The following MED4 variants were observed in gnomAD, a reference collection of about 807,000 sequenced individuals.
MED4 encodes mediator of RNA polymerase II transcription subunit 4.
MED4 carries 21 observed loss-of-function variants against 35.0 expected under a neutral mutation model. The observed-to-expected ratio is 0.60, with a 90% CI of 0.43 to 0.86. The LOEUF (loss-of-function observed/expected upper bound fraction) is 0.86. MED4 is among the 40% of genes least tolerant of loss of function. The probability of loss-of-function intolerance (pLI) is 0.00; values close to 1 mark genes in which losing one functional copy is unlikely to be tolerated. For synonymous variants in MED4, 138 were observed against 114.0 expected, an observed-to-expected ratio of 1.21 and a Z score of -1.34; for missense variants, 300 against 319.4, an observed-to-expected ratio of 0.94 and a Z score of 0.46.
At chr13:48,077,398 TA>T (rs1242304653) in intron 6 of MED4, 87 bp from the exon 7 acceptor site, 5 of 1,150,330 alleles carry the variant, frequency 4.3e-6, no homozygotes, top group South Asian at 2.2e-5. Flanking sequence ...CAATTTGAAG[TA>T]TTTTTTTTAA....
At chr13:48,083,188 ATG>A (rs1230754486) in intron 4 of MED4, among the ~76,000 whole-genome samples, 181 bp downstream of exon 4, 1 of 152,260 alleles carries the variant, frequency 6.6e-6, no homozygotes, top group Non-Finnish European at 1.5e-5. Flanking sequence ...CTGAAAAAAG[ATG>A]TGATACTTCT....
chr13:48,090,291 G>T, intron 2 of MED4, 61 bp downstream of exon 2: 1 of 1,330,266 alleles, frequency 7.5e-7, no homozygotes, highest in Non-Finnish European at 1.0e-6. Flanking sequence ...CAGAAATCAA[G>T]TTTTTTTCTT....
At chr13:48,090,821 AT>A (rs1950885047) in intron 1 of MED4, among the ~76,000 whole-genome samples, 1 of 152,244 alleles carries the variant, frequency 6.6e-6, no homozygotes, top group African/African-American at 2.4e-5. Context: ...CAGACAATGC[AT>A]TATGAGCGAT....
chr13:48,079,759 A>G (rs1211082391), intron 6 of MED4, 85 bp downstream of exon 6: 7 of 1,500,372 alleles, frequency 4.7e-6, no homozygotes, highest in Non-Finnish European at 6.3e-6. Flanking sequence ...GGGAATCTCA[A>G]ACTTGCTTTA....
At position 48,086,545 on chromosome 13, in the gene MED4, A is replaced by G. The variant is rs780507344; in HGVS notation, c.193-93T>C. 21 of 1,140,112 alleles carry G rather than the reference A, an allele frequency of 1.8e-5. No homozygotes were observed. The Admixed American group carries it at 5.6e-4, about 30-fold the overall frequency. 70.6% of individuals were successfully genotyped at this position (1,140,112 alleles called of 1,614,324 possible). On this transcript the variant is annotated intron_variant, in intron 2 of 6. Coordinates refer to ENST00000258648, the MANE Select transcript of MED4 (RefSeq NM_014166.4). ...AATCCGTAACTGAATTGGCTAGGCTATAAATTTCAACACCTTCAAAATTTT... is the reference window on the plus strand; with the variant it reads ...AATCCGTAACTGAATTGGCTAGGCTGTAAATTTCAACACCTTCAAAATTTT...
At chr13:48,090,076 A>C (rs1263600231) in intron 2 of MED4, among the ~76,000 whole-genome samples, 1 of 152,246 alleles carries the variant, frequency 6.6e-6, no homozygotes, top group Admixed American at 6.5e-5. Context: ...CAAAGGACAA[A>C]AATAAATAAA....
intron 6 of MED4, 67 bp from the exon 7 acceptor site, chr13:48,077,378 C>T (rs779946756): frequency 1.6e-6 from 2 of 1,229,702 alleles, no homozygotes; most frequent in Non-Finnish European, 2.2e-6. Context: ...TTACTTTTCC[C>T]TTTATGCAAC....
chr13:48,094,528 CA>C (rs1290899437), intron 1 of MED4, among the ~76,000 whole-genome samples: 1 of 152,024 alleles, frequency 6.6e-6, no homozygotes, highest in Non-Finnish European at 1.5e-5. Context: ...TGACTACAAC[CA>C]AAAAAGGTGC....
intron 2 of MED4, among the ~76,000 whole-genome samples, chr13:48,090,084 A>G (rs1185700486): frequency 6.6e-6 from 1 of 152,250 alleles, no homozygotes; most frequent in Admixed American, 6.5e-5. Context: ...AAAAATAAAT[A>G]AACATGTAAG....
chr13:48,080,174 A>C (rs1428858553), intron 5 of MED4, among the ~76,000 whole-genome samples, 199 bp from the exon 6 acceptor site: 2 of 152,020 alleles, frequency 1.3e-5, no homozygotes, highest in African/African-American at 4.8e-5. Flanking sequence ...AGGTGGGTGG[A>C]TCACCTCAAG....
In MED4 at chr13:48,090,433, CCAA is replaced by C. The variant is rs571756518; in HGVS notation, c.126-18_126-16del. ...CTATAAGTTCCCTAAAAAAAAAAAA[CCAA>C]CAACAACAAAAACCCTTTCACAGCA... is the stretch of plus-strand genomic sequence containing the variant. On this transcript the variant is annotated splice_polypyrimidine_tract_variant and intron_variant, in intron 1 of 6. Coordinates refer to ENST00000258648, the MANE Select transcript of MED4 (RefSeq NM_014166.4). The C allele has an allele frequency of 1.3e-5, 19 of 1,488,274 alleles. No homozygotes were observed. Among genetic ancestry groups the C allele is most frequent in the African/African-American group, 4.3e-5 (3 of 70,164 alleles). 92.2% of individuals were successfully genotyped at this position (1,488,274 alleles called of 1,614,324 possible).
rs1327760948 is a variant in MED4 at position 48,094,927 on chromosome 13, G to T, written c.125+27C>A. On this transcript the variant is annotated intron_variant, in intron 1 of 6. Transcript: ENST00000258648. ...GGGTCAGTCCCCCGGCCCAGCTCCAGCCCGGCTCTCAGGCTCGCCGCATTA... is the reference window on the plus strand; with the variant it reads ...GGGTCAGTCCCCCGGCCCAGCTCCATCCCGGCTCTCAGGCTCGCCGCATTA... 14 of 1,598,998 alleles carry T rather than the reference G, an allele frequency of 8.8e-6. No individual in the cohort carries two copies. In the East Asian group the frequency reaches 2.9e-4, roughly 33 times the overall value.
rs752846628 is a variant in MED4, at chr13:48,086,335, C to G, written c.310G>C (p.Asp104His). ...QVLEKEVEKR[D>H]SDIQQLQKQL... ...TTTTGTAGCTGCTGAATATCACTGT[C>G]TCTCTTCTCTACTTCTTTTTCTAAA... Residue 104 changes from aspartate (D) to histidine (H), a missense_variant, in exon 3 of 7, where the codon GAC becomes CAC. Transcript: ENST00000258648. 1.2e-6 allele frequency: 2 copies of G among 1,613,830 alleles called. No homozygotes were observed. Among genetic ancestry groups the G allele is most frequent in the South Asian group, 1.1e-5 (1 of 91,076 alleles).
intron 1 of MED4, 101 bp from the exon 2 acceptor site, chr13:48,090,519 C>G (rs1490909700): frequency 1.2e-6 from 1 of 817,190 alleles, no homozygotes; most frequent in Non-Finnish European, 1.9e-6. Flanking sequence ...CTACAGCTCA[C>G]CAAGACTCGC....
intron 6 of MED4, among the ~76,000 whole-genome samples, chr13:48,078,234 A>C (rs971006029): frequency 1.3e-5 from 2 of 152,212 alleles, no homozygotes; most frequent in Admixed American, 1.3e-4. Context: ...ATTAACTAGA[A>C]AGGTATGCCA....
At chr13:48,089,171 T>C (rs1950873030) in intron 2 of MED4, among the ~76,000 whole-genome samples, 1 of 119,732 alleles carries the variant, frequency 8.4e-6, no homozygotes, top group Admixed American at 9.9e-5. Flanking sequence ...TATTTATCTC[T>C]AGCCTCTTTC....
chr13:48,090,337 A>G lies in MED4; in HGVS notation c.192+15T>C. 6 of 1,553,308 alleles carry G rather than the reference A, an allele frequency of 3.9e-6. No individual in the cohort carries two copies. Among genetic ancestry groups the G allele is most frequent in the Non-Finnish European group, 5.2e-6 (6 of 1,156,632 alleles). On this transcript the variant is annotated intron_variant, in intron 2 of 6. Transcript: ENST00000258648. Reference sequence around the variant, plus strand: ...AACAAAGAGAAATTAACTAATTTAAAAAGAAGCCACTTACCTGGTTTTCCT... The same window carrying G: ...AACAAAGAGAAATTAACTAATTTAAGAAGAAGCCACTTACCTGGTTTTCCT...
Position 48,076,477 on chromosome 13 carries a change from T to A in MED4, c.*662A>T, listed in dbSNP as rs1950759478. 6.6e-6 allele frequency: 1 copy of A among 152,112 alleles called. No individual in the cohort carries two copies. 9.4% of individuals were successfully genotyped at this position (152,112 alleles called of 1,614,324 possible). A position where few individuals can be genotyped will look rare whatever the true frequency, so the allele number is the denominator to read the frequency against. ...TGAGAACCCTATTAATTGTAATAGG[T>A]TTCAATTCAGTTAGTCACTCAAGTA... On this transcript the variant is annotated 3_prime_UTR_variant, in exon 7 of 7. Transcript: ENST00000258648.
At position 48,079,970 on chromosome 13, in the gene MED4, G is replaced by A. The variant is rs1208330785; in HGVS notation, c.514C>T (p.Pro172Ser). ...AAATCAGTTGGGTAGGGTCTCCGGG[G>A]GTCCCCTAAAACAATAAAGACTGCA... ...CAPLTWVPGD[P>S]RRPYPTDLEM... The change falls in exon 6 of 7, where the codon CCC becomes TCC. Residue 172 changes from proline to serine, a missense_variant. Pro to Ser is a moderately conservative substitution (Grantham distance 74). Transcript: ENST00000258648. 1.9e-6 allele frequency: 3 copies of A among 1,610,808 alleles called. No homozygotes were observed. The highest frequency in any genetic ancestry group is 2.5e-6 in the Non-Finnish European group (3 of 1,178,492).
Sources: allele counts gnomAD v4.1 joint callset (sites outside exome capture counted in the v4.1 genomes callset), GRCh38; gene constraint gnomAD v4.1.1; transcripts MANE v1.5; gene names NCBI Gene and HGNC (gene_info 2026-07-23, HGNC 2026-07-21).